Variants in SPAG17 observed in about 807,000 individuals in gnomAD.
SPAG17 encodes sperm associated antigen 17, also known as sperm-associated antigen 17.
In SPAG17, 169 loss-of-function variants were observed where a neutral mutation model predicts 273.6. The observed-to-expected ratio is 0.62, with a 90% confidence interval of 0.55 to 0.70. SPAG17 has a LOEUF of 0.70. SPAG17 is among the 30% of genes least tolerant of loss of function. SPAG17 has a pLI of 0.00. For synonymous variants in SPAG17, 825 were observed against 873.2 expected (o/e 0.94, Z 0.97); for missense variants, 2,557 against 2,627.8 (o/e 0.97, Z 0.59).
intron 32 of SPAG17, among the ~76,000 whole-genome samples, chr1:118,003,410 A>G (rs1344235025): frequency 6.6e-6 from 1 of 152,200 alleles, no homozygotes; most frequent in Non-Finnish European, 1.5e-5. Flanking sequence ...AATATCCTGA[A>G]GAGTGTTTCC....
At chr1:118,008,317 A>C in intron 30 of SPAG17, 119 bp from the exon 31 acceptor site, 3 of 1,164,396 alleles carry the variant, frequency 2.6e-6, no homozygotes, top group South Asian at 2.9e-5. Flanking sequence ...AAAAAACACA[A>C]TTGTAAAGTC....
At chr1:118,144,489 A>G (rs1289163094) in intron 3 of SPAG17, among the ~76,000 whole-genome samples, 1 of 152,218 alleles carries the variant, frequency 6.6e-6, no homozygotes, top group African/African-American at 2.4e-5. Context: ...GATTGTTTTT[A>G]TAGTCCCAAC....
At position 118,086,980 on chromosome 1, in the gene SPAG17, G is replaced by T; in HGVS notation, c.1388C>A (p.Pro463Gln). 3 of 1,574,598 alleles carry T rather than the reference G, an allele frequency of 1.9e-6. No homozygotes were observed. The highest frequency in any genetic ancestry group is 2.6e-6 in the Non-Finnish European group (3 of 1,164,700). The change falls in exon 11 of 49, where the codon CCA (proline) becomes CAA (glutamine). Residue 463 changes from proline to glutamine, a missense_variant. By Grantham distance (76) the Pro-to-Gln change is moderately conservative. Transcript: ENST00000336338. ...GGGGGATGGCTCCCGCAGACTGGGT[G>T]GGACGAGATCTTCTTCAGTTGCAAC... ...QVVATEEDLV[P>Q]PSLREPSPRA...
Position 118,115,462 on chromosome 1 carries a change from T to C in SPAG17, c.316-21A>G, listed in dbSNP as rs112557565. On this transcript the variant is annotated intron_variant, in intron 3 of 48. Transcript: ENST00000336338. ...AACACCTATACAGAAACACAATTAT[T>C]AGAAAAAGTGATGTTTTATAACCTT... 1.3e-3 allele frequency: 2,006 copies of C among 1,595,302 alleles called. 21 individuals carry two copies. In the African/African-American group the frequency reaches 0.024, roughly 19 times the overall value.
chr1:118,091,495 G>A lies in SPAG17; in HGVS notation c.1359+111C>T, dbSNP rs924163706. ...GAACTATTCTAATCTTTATAAAGGA[G>A]AATGCACTTAGGTATTATGAGTATA... On this transcript the variant is annotated intron_variant, in intron 10 of 48. Coordinates refer to ENST00000336338, the MANE Select transcript of SPAG17 (RefSeq NM_206996.4). 3 of 639,296 alleles carry A rather than the reference G, an allele frequency of 4.7e-6. No individual in the cohort carries two copies. In the African/African-American group the frequency reaches 5.5e-5, roughly 12 times the overall value. 39.6% of individuals were successfully genotyped at this position (639,296 alleles called of 1,614,324 possible).
At chr1:117,971,810 G>T in intron 45 of SPAG17, 53 bp downstream of exon 45, 2 of 1,495,452 alleles carry the variant, frequency 1.3e-6, no homozygotes, top group Non-Finnish European at 1.8e-6. Context: ...CCAAAGACAA[G>T]TCACAGGGTA....
intron 18 of SPAG17, among the ~76,000 whole-genome samples, chr1:118,058,906 G>C (rs567019562): frequency 6.6e-6 from 1 of 152,188 alleles, no homozygotes; most frequent in South Asian, 2.1e-4. Context: ...AATTAAGAAG[G>C]ATTCAAAAAT....
chr1:118,101,834 T>C lies in SPAG17; in HGVS notation c.540A>G (p.Gly180=). 6.2e-7 allele frequency: 1 copy of C among 1,614,074 alleles called. No homozygotes were observed. ...KKAPSAKPAK[G]KGKDQPEANA... is the part of the protein sequence containing the mutation. ...TTGCCTCAGGCTGATCCTTTCCCTT[T>C]CCTTTGGCAGGCTTGGCACTTGGAG... The change falls in exon 5 of 49, where the codon GGA becomes GGG. Residue 180 remains glycine, a synonymous_variant. Transcript: ENST00000336338.
At chr1:117,955,954 T>G (rs1278181587) in intron 48 of SPAG17, among the ~76,000 whole-genome samples, 1 of 152,200 alleles carries the variant, frequency 6.6e-6, no homozygotes, top group Non-Finnish European at 1.5e-5. Context: ...AGGCATAAGC[T>G]TTTAAAGTTT....
chr1:118,073,529 T>C (rs1184821111), intron 17 of SPAG17, among the ~76,000 whole-genome samples: 1 of 152,066 alleles, frequency 6.6e-6, no homozygotes, highest in African/African-American at 2.4e-5. Context: ...AAAAATAAGG[T>C]TTTTCCCAAT....
chr1:118,122,578 G>A (rs1468948528), intron 3 of SPAG17, among the ~76,000 whole-genome samples: 1 of 152,088 alleles, frequency 6.6e-6, no homozygotes, highest in African/African-American at 2.4e-5. Flanking sequence ...GATATTTAGC[G>A]AATCCCTGTA....
In SPAG17 at chr1:117,953,744, C is replaced by T. The variant is rs1034307339; in HGVS notation, c.*306G>A. ...CTCTTTGATCAATATGTGCTCCTTT[C>T]AGGTGTTCCTGGGACCTGCCCTATT... On this transcript the variant is annotated 3_prime_UTR_variant, in exon 49 of 49. Transcript: ENST00000336338. 3.2e-6 allele frequency: 2 copies of T among 622,576 alleles called. No homozygotes were observed. The highest frequency in any genetic ancestry group is 5.6e-6 in the Non-Finnish European group (2 of 359,892). 38.6% of individuals were successfully genotyped at this position (622,576 alleles called of 1,614,324 possible). A position where few individuals can be genotyped will look rare whatever the true frequency, so the allele number is the denominator to read the frequency against.
At chr1:117,957,266 T>C (rs1652354810) in intron 48 of SPAG17, 2 of 1,499,206 alleles carry the variant, frequency 1.3e-6, no homozygotes, top group Non-Finnish European at 1.8e-6. Context: ...TAACTGAAGC[T>C]GTCAACACTT....
At position 118,172,146 on chromosome 1, in the gene SPAG17, C is replaced by A. The variant is rs142757258; in HGVS notation, c.87+12925G>T. ...AAAATACAGAAATTGGAAGCAAGAC[C>A]TAGCAGTCTCAGTTAGGACCTCAAT... is the stretch of plus-strand genomic sequence containing the variant. On this transcript the variant is annotated intron_variant, in intron 1 of 48. Coordinates refer to ENST00000336338, the MANE Select transcript of SPAG17 (RefSeq NM_206996.4). Among the ~76,000 whole-genome samples, 5 of 152,248 alleles carry A rather than the reference C, an allele frequency of 3.3e-5. No homozygotes were observed. The East Asian group carries it at 9.6e-4, about 29-fold the overall frequency.
At chr1:118,144,048 A>T (rs1186370842) in intron 3 of SPAG17, among the ~76,000 whole-genome samples, 4 of 152,234 alleles carry the variant, frequency 2.6e-5, no homozygotes, top group Non-Finnish European at 4.4e-5. Flanking sequence ...ACTATTTGCC[A>T]CATGGGCTTG....
At chr1:118,157,235 T>C (rs9970558) in intron 1 of SPAG17, among the ~76,000 whole-genome samples, 8,992 of 152,232 alleles carry the variant, frequency 0.059, 434 homozygotes, top group East Asian at 0.27. Context: ...ATGATTTTCA[T>C]TGGGAAGACC....
chr1:118,012,421 C>T lies in SPAG17; in HGVS notation c.4288-49G>A, dbSNP rs140156731. On this transcript the variant is annotated intron_variant, in intron 29 of 48. Coordinates refer to ENST00000336338, the MANE Select transcript of SPAG17 (RefSeq NM_206996.4). Reference sequence around the variant, plus strand: ...AATCATTTGGCCACATGGTTCATCCCAAGTGTACTTATTTTTATCCATTGA... The same window carrying T: ...AATCATTTGGCCACATGGTTCATCCTAAGTGTACTTATTTTTATCCATTGA... The T allele has an allele frequency of 3.1e-3, 4,839 of 1,576,558 alleles. 9 individuals are homozygous for T. The highest frequency in any genetic ancestry group is 4.4e-3 in the Admixed American group (238 of 53,626).
chr1:118,169,522 C>A (rs1032724055), intron 1 of SPAG17, among the ~76,000 whole-genome samples: 2 of 152,140 alleles, frequency 1.3e-5, no homozygotes, highest in Non-Finnish European at 2.9e-5. Flanking sequence ...AAATAGCTTG[C>A]TGTTTAAGAT....
chr1:118,057,426 C>A (rs890179463), intron 18 of SPAG17, among the ~76,000 whole-genome samples: 2 of 152,102 alleles, frequency 1.3e-5, no homozygotes, highest in African/African-American at 4.8e-5. Flanking sequence ...TGTCTTTCCT[C>A]TGCTCAGACC....
Sources: gnomAD v4.1 joint callset for allele counts (sites outside exome capture counted in the v4.1 genomes callset) on GRCh38, gnomAD v4.1.1 for gene constraint, MANE v1.5 for transcripts, NCBI Gene and HGNC (gene_info 2026-07-23, HGNC 2026-07-21) for gene names.